SAMMSON: variants seen among roughly 807,000 people sequenced by gnomAD.
The protein encoded by SAMMSON is survival associated mitochondrial melanoma specific oncogenic non-coding RNA.
At chr3:70,198,477 A>G (rs911889475) in intron 4 of SAMMSON, among the ~76,000 whole-genome samples, 1 of 152,216 alleles carries the variant, frequency 6.6e-6, no homozygotes, top group African/African-American at 2.4e-5. Flanking sequence ...ACTTCCTATG[A>G]AAAGGAACAA....
chr3:70,230,773 A>G (rs1455811809), intron 4 of SAMMSON, among the ~76,000 whole-genome samples: 1 of 152,182 alleles, frequency 6.6e-6, no homozygotes, highest in East Asian at 1.9e-4. Flanking sequence ...TTTAAAGGCA[A>G]TGCTTCATGG....
intron 9 of SAMMSON, among the ~76,000 whole-genome samples, chr3:70,386,640 A>G (rs1703124801): frequency 6.6e-6 from 1 of 152,104 alleles, no homozygotes; most frequent in South Asian, 2.1e-4. Flanking sequence ...CAATGTAATT[A>G]GAAAATAATT....
intron 2 of SAMMSON, among the ~76,000 whole-genome samples, chr3:70,403,917 C>A (rs761939504): frequency 3.7e-4 from 56 of 152,072 alleles, no homozygotes; most frequent in Non-Finnish European, 2.2e-4. Context: ...TTATCTCTAT[C>A]AAATTTTACT....
At chr3:70,247,583 C>A (rs534925958) in intron 4 of SAMMSON, among the ~76,000 whole-genome samples, 2 of 151,768 alleles carry the variant, frequency 1.3e-5, no homozygotes, top group African/African-American at 4.8e-5. Flanking sequence ...CAACTCAATT[C>A]TATTAGAATT....
rs557205216 is a variant in SAMMSON at position 70,023,003 on chromosome 3, T to G, written n.417+9331T>G. On this transcript the variant is annotated intron_variant and non_coding_transcript_variant, in intron 3 of 9. Coordinates refer to ENST00000642114, the Ensembl canonical transcript of SAMMSON. Reference sequence around the variant, plus strand: ...ATGGTTAGAAGAATTGGGTCCAATTTTCCTATTAATACAGTATTCCACTGG... The same window carrying G: ...ATGGTTAGAAGAATTGGGTCCAATTGTCCTATTAATACAGTATTCCACTGG... 8.5e-5 allele frequency among the ~76,000 whole-genome samples: 13 copies of G among 152,304 alleles called. No homozygotes were observed. The East Asian group carries it at 2.5e-3, about 29-fold the overall frequency.
At chr3:70,198,819 T>A (rs1265846848) in intron 4 of SAMMSON, among the ~76,000 whole-genome samples, 3 of 152,216 alleles carry the variant, frequency 2.0e-5, no homozygotes, top group Non-Finnish European at 4.4e-5. Flanking sequence ...TAGAGCCAGC[T>A]TTTAGCGTGT....
chr3:70,307,455 C>T (rs1702413082), intron 7 of SAMMSON, among the ~76,000 whole-genome samples: 1 of 152,104 alleles, frequency 6.6e-6, no homozygotes, highest in East Asian at 1.9e-4. Flanking sequence ...ACCCAGAATG[C>T]TCCTTGGCTT....
chr3:70,293,487 G>A (rs1488801581), intron 7 of SAMMSON, among the ~76,000 whole-genome samples: 1 of 152,100 alleles, frequency 6.6e-6, no homozygotes, highest in Non-Finnish European at 1.5e-5. Flanking sequence ...CACAGGCGAT[G>A]CTGATCCTAC....
At chr3:70,096,081 G>A (rs2106650738) in intron 4 of SAMMSON, 1 of 152,306 alleles carries the variant, frequency 6.6e-6, no homozygotes. Context: ...AGGTTTTACT[G>A]GGGAAGGCTC....
chr3:70,029,907 C>A (rs183564299), intron 3 of SAMMSON, among the ~76,000 whole-genome samples: 1 of 152,278 alleles, frequency 6.6e-6, no homozygotes, highest in East Asian at 1.9e-4. Flanking sequence ...AATCATTTCT[C>A]TGTCCATTAC....
In SAMMSON at chr3:70,177,885, T is replaced by C. The variant is rs374314524; in HGVS notation, n.508-71222T>C. On this transcript the variant is annotated intron_variant and non_coding_transcript_variant, in intron 4 of 9. Coordinates refer to ENST00000642114, the Ensembl canonical transcript of SAMMSON. ...AGGAGATCCTTATTCGTTCATGATA[T>C]AGTTTAAAAATTGTTTGAACATATG... Among the ~76,000 whole-genome samples the C allele has an allele frequency of 4.6e-5, 7 of 152,314 alleles. No homozygotes were observed. In the East Asian group the frequency reaches 1.2e-3, roughly 25 times the overall value.
intron 4 of SAMMSON, among the ~76,000 whole-genome samples, chr3:70,199,762 A>G (rs1701218809): frequency 6.6e-6 from 1 of 152,032 alleles, no homozygotes; most frequent in Non-Finnish European, 1.5e-5. Flanking sequence ...TGCCTGCACT[A>G]TTTCCTGGTG....
At chr3:70,252,877 C>T (rs913431348) in intron 6 of SAMMSON, among the ~76,000 whole-genome samples, 2 of 151,838 alleles carry the variant, frequency 1.3e-5, no homozygotes, top group African/African-American at 2.4e-5. Flanking sequence ...GTCAGGAGTT[C>T]GAGACCAGCG....
chr3:70,367,535 GT>G (rs1392710268), intron 9 of SAMMSON, among the ~76,000 whole-genome samples: 2 of 151,504 alleles, frequency 1.3e-5, no homozygotes, highest in Non-Finnish European at 3.0e-5. Context: ...GCTTATCCAT[GT>G]TGCTGCAAAT....
At chr3:70,285,096 G>T in intron 6 of SAMMSON, among the ~76,000 whole-genome samples, 1 of 146,346 alleles carries the variant, frequency 6.8e-6, no homozygotes, top group African/African-American at 2.6e-5. Context: ...TAGGGTACAT[G>T]TGCACATTGT....
intron 6 of SAMMSON, among the ~76,000 whole-genome samples, chr3:70,285,373 C>A (rs1232258188): frequency 4.6e-5 from 7 of 152,010 alleles, no homozygotes; most frequent in Non-Finnish European, 1.5e-5. Context: ...CATGTCCCTA[C>A]AAAGGACATG....
intron 2 of SAMMSON, among the ~76,000 whole-genome samples, chr3:70,427,511 G>C (rs1210878068): frequency 6.6e-6 from 1 of 152,020 alleles, no homozygotes; most frequent in South Asian, 2.1e-4. Context: ...AGGCTGAGAT[G>C]GGCGGATCAC....
chr3:70,365,264 A>G (rs1020114285), intron 9 of SAMMSON, among the ~76,000 whole-genome samples: 1 of 151,268 alleles, frequency 6.6e-6, no homozygotes, highest in Non-Finnish European at 1.5e-5. Flanking sequence ...GGTATTAAAA[A>G]CCAATATCTG....
chr3:70,052,069 G>A (rs538988480), intron 3 of SAMMSON, among the ~76,000 whole-genome samples: 2 of 152,214 alleles, frequency 1.3e-5, no homozygotes, highest in East Asian at 3.9e-4. Flanking sequence ...CTGCATGCCA[G>A]CCTGGGCAAT....
Sources: gnomAD v4.1 joint callset for allele counts (sites outside exome capture counted in the v4.1 genomes callset) on GRCh38, gnomAD v4.1.1 for gene constraint, MANE v1.5 for transcripts, NCBI Gene and HGNC (gene_info 2026-07-23, HGNC 2026-07-21) for gene names.